The following HDAC9 variants were observed in gnomAD, a reference collection of about 807,000 sequenced individuals.
The protein encoded by HDAC9 is MEF-2 interacting transcription repressor (MITR) protein.
HDAC9 carries 41 observed loss-of-function variants against 139.4 expected under a neutral mutation model. The ratio of observed to expected loss-of-function variants is 0.29; its 90% CI spans 0.23 to 0.38. The LOEUF (loss-of-function observed/expected upper bound fraction) is 0.38. HDAC9 is among the 10% of genes least tolerant of loss of function. HDAC9 has a pLI of 1.00. For synonymous variants in HDAC9, 517 were observed against 476.2 expected (o/e 1.09, Z -1.12); for missense variants, 1,147 against 1,297.0 (o/e 0.88, Z 1.78).
chr7:18,102,860 G>A (rs1157825251), intron 1 of HDAC9, among the ~76,000 whole-genome samples: 1 of 152,222 alleles, frequency 6.6e-6, no homozygotes, highest in Non-Finnish European at 1.5e-5. Flanking sequence ...TTGCTGGAAT[G>A]TGGGAATAAT....
At chr7:18,617,553 G>GCTTT (rs1838988132) in intron 6 of HDAC9, among the ~76,000 whole-genome samples, 1 of 151,992 alleles carries the variant, frequency 6.6e-6, no homozygotes, top group African/African-American at 2.4e-5. Context: ...TCTCTGTTAA[G>GCTTT]CTTTACCTGG....
chr7:18,487,044 A>G (rs1347498004), intron 1 of HDAC9, among the ~76,000 whole-genome samples: 1 of 152,124 alleles, frequency 6.6e-6, no homozygotes, highest in Non-Finnish European at 1.5e-5. Flanking sequence ...ATGGTGCACC[A>G]GCAAGGGCTT....
intron 22 of HDAC9, among the ~76,000 whole-genome samples, chr7:18,906,023 C>G (rs991925854): frequency 1.1e-4 from 16 of 143,184 alleles, no homozygotes; most frequent in Non-Finnish European, 2.1e-4. Flanking sequence ...TTTCTTTTTG[C>G]TTTCTTTCTC....
At chr7:18,604,683 G>C (rs1171023148) in intron 6 of HDAC9, among the ~76,000 whole-genome samples, 1 of 152,126 alleles carries the variant, frequency 6.6e-6, no homozygotes. Context: ...ACAGGCGTGA[G>C]CCACCGCGCC....
chr7:18,618,362 A>G (rs976947952), intron 6 of HDAC9, among the ~76,000 whole-genome samples: 1 of 152,134 alleles, frequency 6.6e-6, no homozygotes, highest in Non-Finnish European at 1.5e-5. Context: ...TTAGGAGGGT[A>G]ACAAGATGAG....
intron 1 of HDAC9, among the ~76,000 whole-genome samples, chr7:18,473,878 A>G (rs1457411470): frequency 6.6e-6 from 1 of 152,238 alleles, no homozygotes; most frequent in Admixed American, 6.5e-5. Context: ...GAGGAGCATT[A>G]TATTAGCTGT....
intron 2 of HDAC9, among the ~76,000 whole-genome samples, chr7:18,198,102 A>G (rs1430576680): frequency 6.6e-6 from 1 of 152,164 alleles, no homozygotes. Context: ...CATCTTTTAT[A>G]TCCCTTTTTT....
At chr7:18,708,425 T>C (rs550988324) in intron 12 of HDAC9, among the ~76,000 whole-genome samples, 11 of 152,196 alleles carry the variant, frequency 7.2e-5, no homozygotes, top group Non-Finnish European at 1.3e-4. Flanking sequence ...GTCACATGTT[T>C]AAAAATAGAC....
intron 12 of HDAC9, among the ~76,000 whole-genome samples, chr7:18,723,631 T>C (rs1203846333): frequency 6.6e-6 from 1 of 152,172 alleles, no homozygotes; most frequent in Non-Finnish European, 1.5e-5. Context: ...TGATGTAACA[T>C]TTATAAAATG....
chr7:18,548,643 A>G (rs557972563), intron 2 of HDAC9, among the ~76,000 whole-genome samples: 4 of 152,354 alleles, frequency 2.6e-5, no homozygotes, highest in East Asian at 1.9e-4. Flanking sequence ...CAAAGGACTC[A>G]TATCTAAAAT....
At chr7:18,731,832 G>A (rs1005284312) in intron 13 of HDAC9, among the ~76,000 whole-genome samples, 4 of 152,078 alleles carry the variant, frequency 2.6e-5, no homozygotes, top group Non-Finnish European at 5.9e-5. Flanking sequence ...CTCCATGTTG[G>A]TCAGGCTGGT....
chr7:18,168,198 A>G (rs931133490), intron 2 of HDAC9, among the ~76,000 whole-genome samples: 7 of 152,228 alleles, frequency 4.6e-5, no homozygotes, highest in Admixed American at 2.6e-4. Flanking sequence ...TTTATCTGAA[A>G]TTATAATTGC....
At chr7:18,175,082 CG>C (rs1364415148) in intron 2 of HDAC9, among the ~76,000 whole-genome samples, 4 of 152,316 alleles carry the variant, frequency 2.6e-5, no homozygotes, top group East Asian at 1.9e-4. Context: ...ACAGAGGCAG[CG>C]GGCCTTGCTG....
At chr7:18,803,515 T>A (rs571251958) in intron 17 of HDAC9, among the ~76,000 whole-genome samples, 11 of 152,306 alleles carry the variant, frequency 7.2e-5, no homozygotes, top group Non-Finnish European at 1.2e-4. Flanking sequence ...TTATCTATGA[T>A]GTCTTTTACC....
At chr7:18,818,152 G>T (rs1794705201) in intron 17 of HDAC9, among the ~76,000 whole-genome samples, 1 of 152,092 alleles carries the variant, frequency 6.6e-6, no homozygotes, top group Admixed American at 6.6e-5. Context: ...TTTCCATACT[G>T]TGCTTGCTTT....
chr7:18,108,637 A>G lies in HDAC9; in HGVS notation c.-97+21424A>G, dbSNP rs1382814867. Among the ~76,000 whole-genome samples the G allele has an allele frequency of 2.3e-4, 23 of 100,436 alleles. 1 individual carries two copies. In the Admixed American group the frequency reaches 2.5e-3, roughly 11 times the overall value. The allele number at this position is 100,436 out of a possible 152,430, so 65.9% of individuals were successfully genotyped here. A position where few individuals can be genotyped will look rare whatever the true frequency, so the allele number is the denominator to read the frequency against. ...TTTTTTTTTTTTTTTTTTTTTGGAT[A>G]TGGAGTCTCACTCTTGCCCAGGCTG... On this transcript the variant is annotated intron_variant, in intron 1 of 12. Coordinates refer to the HDAC9 transcript ENST00000417496.
intron 1 of HDAC9, among the ~76,000 whole-genome samples, chr7:18,100,341 G>A (rs1353049395): frequency 6.6e-6 from 1 of 151,708 alleles, no homozygotes; most frequent in African/African-American, 2.4e-5. Context: ...AGGGTTAATA[G>A]TTTCCATCAA....
intron 9 of HDAC9, among the ~76,000 whole-genome samples, chr7:18,646,488 C>T (rs372149076): frequency 1.2e-4 from 19 of 152,198 alleles, no homozygotes; most frequent in East Asian, 9.7e-4. Flanking sequence ...GCTTTGCCAA[C>T]GGGATTTGTA....
chr7:18,304,541 A>C (rs1181177888), intron 1 of HDAC9, among the ~76,000 whole-genome samples: 1 of 152,174 alleles, frequency 6.6e-6, no homozygotes, highest in Non-Finnish European at 1.5e-5. Context: ...GCTATTTAGC[A>C]GGGGACACAG....
Sources: gnomAD v4.1 joint callset for allele counts (sites outside exome capture counted in the v4.1 genomes callset) on GRCh38, gnomAD v4.1.1 for gene constraint, MANE v1.5 for transcripts, NCBI Gene and HGNC (gene_info 2026-07-23, HGNC 2026-07-21) for gene names.